Variants in CHD6 observed in about 807,000 individuals in gnomAD.
CHD6 encodes the protein ATP-dependent chromatin remodeler CHD6.
A neutral mutation model predicts 276.9 loss-of-function variants in CHD6; 50 were observed. That is an observed-to-expected ratio of 0.18 (90% confidence interval 0.14 to 0.23). CHD6 has a LOEUF of 0.23. Among genes scored for constraint, CHD6 ranks in the 10% least tolerant of loss-of-function variants. CHD6 has a pLI of 1.00. For missense variants in CHD6, 2,564 were observed against 3,365.8 expected (o/e 0.76, Z 5.89); for synonymous variants, 1,173 against 1,229.3 (o/e 0.95, Z 0.96).
At chr20:41,440,635 C>T (rs536814179) in intron 25 of CHD6, among the ~76,000 whole-genome samples, 1 of 152,282 alleles carries the variant, frequency 6.6e-6, no homozygotes, top group South Asian at 2.1e-4. Flanking sequence ...AAATCTTAAT[C>T]CACACTGGCC....
At chr20:41,569,059 G>C (rs896358276) in intron 1 of CHD6, among the ~76,000 whole-genome samples, 2 of 152,144 alleles carry the variant, frequency 1.3e-5, no homozygotes, top group Admixed American at 1.3e-4. Context: ...CTAGTCTGTT[G>C]GGGAAAATAC....
intron 2 of CHD6, among the ~76,000 whole-genome samples, chr20:41,542,015 A>G (rs939953546): frequency 2.0e-4 from 31 of 152,206 alleles, no homozygotes; most frequent in African/African-American, 7.2e-4. Flanking sequence ...GCTGACAGGG[A>G]AGAATTAGGA....
intron 1 of CHD6, among the ~76,000 whole-genome samples, chr20:41,596,822 C>T (rs1268142229): frequency 6.6e-6 from 1 of 152,026 alleles, no homozygotes; most frequent in Non-Finnish European, 1.5e-5. Context: ...AATAGTTGGC[C>T]AGATATCACA....
intron 5 of CHD6, among the ~76,000 whole-genome samples, chr20:41,501,456 T>A (rs1032827049): frequency 2.6e-5 from 4 of 152,208 alleles, no homozygotes; most frequent in African/African-American, 9.6e-5. Context: ...GTAGACTGGT[T>A]TTGTGTATTA....
chr20:41,555,013 A>AC (rs1218760769), intron 1 of CHD6, among the ~76,000 whole-genome samples: 11 of 134,016 alleles, frequency 8.2e-5, no homozygotes, highest in Middle Eastern at 3.6e-3. Context: ...CGGGGGGCTG[A>AC]CCCCCCCACC....
intron 1 of CHD6, among the ~76,000 whole-genome samples, chr20:41,585,022 A>G (rs1446803681): frequency 1.3e-5 from 2 of 152,236 alleles, no homozygotes; most frequent in Admixed American, 1.3e-4. Context: ...TAAACCTCTA[A>G]GTAGAATGAT....
At chr20:41,596,817 T>C (rs2146275666) in intron 1 of CHD6, among the ~76,000 whole-genome samples, 2 of 152,272 alleles carry the variant, frequency 1.3e-5, no homozygotes, top group East Asian at 1.9e-4. Context: ...TTACTAATAG[T>C]TGGCCAGATA....
rs547204385 is a variant in CHD6 at position 41,564,098 on chromosome 20, T to C, written c.-23-12738A>G. ...TTATTTGATCTCCCTGGGTCTCAGTTTCTTCATTTACAGAACTGGTACAAA... is the reference window on the plus strand; with the variant it reads ...TTATTTGATCTCCCTGGGTCTCAGTCTCTTCATTTACAGAACTGGTACAAA... On this transcript the variant is annotated intron_variant, in intron 1 of 36. Coordinates refer to ENST00000373233, the MANE Select transcript of CHD6 (RefSeq NM_032221.5). 1.7e-5 allele frequency: 13 copies of C among 778,816 alleles called. No individual in the cohort carries two copies. The Admixed American group carries it at 2.0e-4, about 12-fold the overall frequency. 48.2% of individuals were successfully genotyped at this position (778,816 alleles called of 1,614,324 possible). A position where few individuals can be genotyped will look rare whatever the true frequency, so the allele number is the denominator to read the frequency against.
At chr20:41,533,605 C>A (rs762553618) in intron 2 of CHD6, 35 bp from the exon 3 acceptor site, 2 of 1,529,318 alleles carry the variant, frequency 1.3e-6, no homozygotes, top group Admixed American at 3.9e-5. Flanking sequence ...TATTACCCTT[C>A]CAATTCATGC....
intron 29 of CHD6, 93 bp from the exon 30 acceptor site, chr20:41,423,793 A>G: frequency 1.0e-6 from 1 of 975,216 alleles, no homozygotes; most frequent in Non-Finnish European, 1.6e-6. Context: ...GAGCCCATAA[A>G]GTCAAGAAAG....
chr20:41,426,883 CTATTTT>C (rs2047381036), intron 27 of CHD6, among the ~76,000 whole-genome samples: 2 of 152,162 alleles, frequency 1.3e-5, no homozygotes, highest in Admixed American at 6.5e-5. Flanking sequence ...AGTGACTGTG[CTATTTT>C]TCAACTGGAC....
At chr20:41,484,953 G>C (rs551787063) in intron 14 of CHD6, among the ~76,000 whole-genome samples, 60 of 152,266 alleles carry the variant, frequency 3.9e-4, no homozygotes, top group Non-Finnish European at 8.1e-4. Flanking sequence ...GTAATTACCT[G>C]AAGAGTATTT....
At chr20:41,449,508 C>A (rs2048172116) in intron 23 of CHD6, among the ~76,000 whole-genome samples, 1 of 152,118 alleles carries the variant, frequency 6.6e-6, no homozygotes, top group Non-Finnish European at 1.5e-5. Flanking sequence ...AATTCTCCTC[C>A]AAATGGAAGG....
rs1601175197 is a variant in CHD6 at position 41,591,603 on chromosome 20, G to C, written c.-24+26737C>G. Among the ~76,000 whole-genome samples the C allele has an allele frequency of 2.0e-5, 3 of 152,206 alleles. No homozygotes were observed. The South Asian group carries it at 6.2e-4, about 32-fold the overall frequency. On this transcript the variant is annotated intron_variant, in intron 1 of 36. Transcript: ENST00000373233. Reference sequence around the variant, plus strand: ...AGCTATTCGGGAGGCTGAGGCAGGAGAATCACTTGAACCCGGGAGGCGGAG... The same window carrying C: ...AGCTATTCGGGAGGCTGAGGCAGGACAATCACTTGAACCCGGGAGGCGGAG...
chr20:41,553,343 T>G (rs939249361), intron 1 of CHD6, among the ~76,000 whole-genome samples: 1 of 152,236 alleles, frequency 6.6e-6, no homozygotes, highest in Admixed American at 6.5e-5. Flanking sequence ...CTACCTTTCT[T>G]CAAGCCTCCT....
chr20:41,409,668 A>C (rs1297416693), intron 36 of CHD6, among the ~76,000 whole-genome samples: 1 of 152,158 alleles, frequency 6.6e-6, no homozygotes, highest in East Asian at 1.9e-4. Context: ...AAAACACAAC[A>C]ACCAGCTCTA....
At chr20:41,604,850 T>C (rs2045811130) in intron 1 of CHD6, among the ~76,000 whole-genome samples, 1 of 152,078 alleles carries the variant, frequency 6.6e-6, no homozygotes, top group Admixed American at 6.6e-5. Flanking sequence ...GTCAAACTAA[T>C]TGATACTGAA....
chr20:41,518,957 T>C (rs1367372623), intron 3 of CHD6, among the ~76,000 whole-genome samples: 2 of 152,216 alleles, frequency 1.3e-5, no homozygotes, highest in Non-Finnish European at 2.9e-5. Context: ...CATGAATATT[T>C]GTTTGCTCCT....
rs989647402 is a variant in CHD6 at position 41,571,627 on chromosome 20, G to C, written c.-23-20267C>G. On this transcript the variant is annotated intron_variant, in intron 1 of 36. Coordinates refer to ENST00000373233, the MANE Select transcript of CHD6 (RefSeq NM_032221.5). ...CTGGTCTCAAACTCCTTGGCCATTA[G>C]TATTTTTGTTGAATGAATTAGATAT... Among the ~76,000 whole-genome samples the C allele has an allele frequency of 5.3e-5, 8 of 151,426 alleles. 1 individual carries two copies. The South Asian group carries it at 1.5e-3, about 28-fold the overall frequency.
Sources: allele counts gnomAD v4.1 joint callset (sites outside exome capture counted in the v4.1 genomes callset), GRCh38; gene constraint gnomAD v4.1.1; transcripts MANE v1.5; gene names NCBI Gene and HGNC (gene_info 2026-07-23, HGNC 2026-07-21).